Variants in BARX2 observed in about 807,000 individuals in gnomAD.
BARX2 encodes the protein homeobox protein BarH-like 2.
BARX2 carries 11 observed loss-of-function variants against 25.5 expected under a neutral mutation model. The ratio of observed to expected loss-of-function variants is 0.43; its 90% confidence interval spans 0.27 to 0.71. The LOEUF is 0.71. BARX2 is among the 30% of genes least tolerant of loss of function. The probability of loss-of-function intolerance (pLI) is 0.19; values close to 1 mark genes in which losing one functional copy is unlikely to be tolerated. For missense variants in BARX2, 360 were observed against 359.9 expected (o/e 1.00, Z 0.00); for synonymous variants, 137 against 149.5 (o/e 0.92, Z 0.61).
intron 1 of BARX2, among the ~76,000 whole-genome samples, chr11:129,394,223 A>G (rs910218877): frequency 7.9e-5 from 12 of 152,136 alleles, no homozygotes; most frequent in African/African-American, 2.9e-4. Context: ...GTGTGTACCT[A>G]CGGTTCACTC....
chr11:129,445,177 C>T (rs565317810), intron 3 of BARX2, among the ~76,000 whole-genome samples: 43 of 152,278 alleles, frequency 2.8e-4, no homozygotes, highest in African/African-American at 9.6e-4. Flanking sequence ...GAGAAGCACC[C>T]GGCCGTGTTC....
chr11:129,446,911 A>G (rs1409969060), intron 3 of BARX2, among the ~76,000 whole-genome samples: 23 of 152,234 alleles, frequency 1.5e-4, no homozygotes, highest in Admixed American at 1.5e-3. Flanking sequence ...ATAAAGCTGC[A>G]GAGAGAGACA....
chr11:129,382,490 A>C (rs1370577453), intron 1 of BARX2, among the ~76,000 whole-genome samples: 1 of 152,056 alleles, frequency 6.6e-6, no homozygotes, highest in African/African-American at 2.4e-5. Flanking sequence ...AGGCCTCTTA[A>C]TTTGTACTGA....
At chr11:129,418,245 G>C (rs948167063) in intron 1 of BARX2, among the ~76,000 whole-genome samples, 1 of 152,164 alleles carries the variant, frequency 6.6e-6, no homozygotes, top group Non-Finnish European at 1.5e-5. Flanking sequence ...TTCTCATGTG[G>C]TCAATAAGGA....
chr11:129,412,144 C>T (rs974250169), intron 1 of BARX2, among the ~76,000 whole-genome samples: 3 of 151,754 alleles, frequency 2.0e-5, no homozygotes, highest in Non-Finnish European at 2.9e-5. Context: ...TGGTGGCGGG[C>T]GCCTGTAGTC....
chr11:129,397,487 C>T (rs989487902), intron 1 of BARX2, among the ~76,000 whole-genome samples: 2 of 152,066 alleles, frequency 1.3e-5, no homozygotes, highest in African/African-American at 2.4e-5. Flanking sequence ...AAAGCTTTCA[C>T]GAATTAAATT....
Position 129,437,443 on chromosome 11 carries a change from C to T in BARX2, c.488+392C>T, listed in dbSNP as rs1023950127. 24 of 999,436 alleles carry T rather than the reference C, an allele frequency of 2.4e-5. No homozygotes were observed. In the African/African-American group the frequency reaches 3.8e-4, roughly 16 times the overall value. The allele number at this position is 999,436 out of a possible 1,614,324, so 61.9% of individuals were successfully genotyped here. On this transcript the variant is annotated intron_variant, in intron 2 of 3. Transcript: ENST00000281437. ...TTGGAATTGGGATTCATGATCTTCT[C>T]AATCTTCTCCACAGCCTCCAGCTGA... is the stretch of plus-strand genomic sequence containing the variant.
chr11:129,446,073 G>A (rs1005339360), intron 3 of BARX2, among the ~76,000 whole-genome samples: 14 of 152,168 alleles, frequency 9.2e-5, no homozygotes, highest in African/African-American at 3.4e-4. Flanking sequence ...GTCAGCATTG[G>A]TAACCTATAG....
chr11:129,393,041 C>T (rs1002760460), intron 1 of BARX2, among the ~76,000 whole-genome samples: 1 of 152,030 alleles, frequency 6.6e-6, no homozygotes, highest in African/African-American at 2.4e-5. Context: ...GAGGCCAAGA[C>T]AGGAGGATCA....
intron 1 of BARX2, among the ~76,000 whole-genome samples, chr11:129,385,166 A>T (rs1341935788): frequency 4.6e-5 from 7 of 152,152 alleles, no homozygotes; most frequent in Admixed American, 4.6e-4. Flanking sequence ...TGACAAGGAG[A>T]TGGAGCAACA....
intron 3 of BARX2, among the ~76,000 whole-genome samples, chr11:129,445,012 ATAAAAT>A (rs1456798483): frequency 7.3e-6 from 1 of 137,282 alleles, no homozygotes; most frequent in African/African-American, 3.6e-5. Context: ...AAAAATAAAA[ATAAAAT>A]AAATAAATAA....
chr11:129,388,589 A>G (rs1861638225), intron 1 of BARX2, among the ~76,000 whole-genome samples: 1 of 152,210 alleles, frequency 6.6e-6, no homozygotes, highest in South Asian at 2.1e-4. Flanking sequence ...TTTTTCATGG[A>G]ATACTCATTA....
At chr11:129,392,110 A>G (rs1861672128) in intron 1 of BARX2, among the ~76,000 whole-genome samples, 1 of 152,058 alleles carries the variant, frequency 6.6e-6, no homozygotes, top group African/African-American at 2.4e-5. Flanking sequence ...GGAATTTTCA[A>G]CTCTTCAGGG....
intron 3 of BARX2, among the ~76,000 whole-genome samples, chr11:129,448,621 A>C (rs1208717098): frequency 2.0e-5 from 3 of 152,250 alleles, no homozygotes; most frequent in African/African-American, 7.2e-5. Context: ...AACAGCCATC[A>C]ACAAGTGTTG....
intron 1 of BARX2, among the ~76,000 whole-genome samples, chr11:129,399,228 T>G (rs1001288748): frequency 1.3e-5 from 2 of 152,132 alleles, no homozygotes; most frequent in Non-Finnish European, 1.5e-5. Context: ...GCTTCTTAAT[T>G]GGATTGCTGT....
At chr11:129,383,039 G>A (rs887031307) in intron 1 of BARX2, among the ~76,000 whole-genome samples, 12 of 152,172 alleles carry the variant, frequency 7.9e-5, no homozygotes, top group Non-Finnish European at 1.2e-4. Flanking sequence ...CAGAATTCAC[G>A]TTAGGATTTA....
chr11:129,378,164 C>T (rs2135381078), intron 1 of BARX2, among the ~76,000 whole-genome samples: 1 of 152,240 alleles, frequency 6.6e-6, no homozygotes, highest in East Asian at 1.9e-4. Context: ...TTTTCTGGCT[C>T]CGTTATTCCA....
At chr11:129,382,612 A>G (rs1414442111) in intron 1 of BARX2, among the ~76,000 whole-genome samples, 1 of 141,166 alleles carries the variant, frequency 7.1e-6, no homozygotes, top group African/African-American at 2.6e-5. Flanking sequence ...CCCATTGACA[A>G]GCTCTCAGCT....
intron 3 of BARX2, among the ~76,000 whole-genome samples, chr11:129,446,609 C>A (rs1359941473): frequency 6.6e-6 from 1 of 152,128 alleles, no homozygotes; most frequent in Admixed American, 6.6e-5. Context: ...TTCAGAGAAT[C>A]CAAATATTTG....
Sources: gnomAD v4.1 joint callset for allele counts (sites outside exome capture counted in the v4.1 genomes callset) on GRCh38, gnomAD v4.1.1 for gene constraint, MANE v1.5 for transcripts, NCBI Gene and HGNC (gene_info 2026-07-23, HGNC 2026-07-21) for gene names.